Variants in DPP10 observed in about 807,000 individuals in gnomAD.
The protein encoded by DPP10 is inactive dipeptidyl peptidase 10.
Under a neutral mutation model 120.9 loss-of-function variants are expected in DPP10, and 33 were observed. The observed-to-expected ratio is 0.27, with a 90% confidence interval of 0.21 to 0.37. The LOEUF is 0.37. DPP10 is among the 10% of genes least tolerant of loss of function. DPP10 has a pLI of 1.00. For synonymous variants in DPP10, 337 were observed against 326.1 expected, an observed-to-expected ratio of 1.03 and a Z score of -0.36; for missense variants, 816 against 942.8, an observed-to-expected ratio of 0.87 and a Z score of 1.76.
Position 115,135,086 on chromosome 2 carries a change from A to T in DPP10, c.61-174153A>T, listed in dbSNP as rs116579714. 3.9e-3 allele frequency among the ~76,000 whole-genome samples: 596 copies of T among 152,136 alleles called. 4 individuals are homozygous for T. The highest frequency in any genetic ancestry group is 0.014 in the African/African-American group (566 of 41,530). The stretch of plus-strand genomic sequence containing the variant: ...GAAGAAGGCTTCCACCTATTAGCTC[A>T]AACAGTCAGGCAGGTACTAAACTGA... On this transcript the variant is annotated intron_variant, in intron 1 of 25. Coordinates refer to ENST00000410059, the MANE Select transcript of DPP10 (RefSeq NM_020868.6).
At chr2:114,633,672 G>T (rs1695111876) in intron 1 of DPP10, among the ~76,000 whole-genome samples, 1 of 151,472 alleles carries the variant, frequency 6.6e-6, no homozygotes, top group African/African-American at 2.4e-5. Flanking sequence ...AGAGTGCAAT[G>T]GTGGGACCTT....
In DPP10 at chr2:115,789,419, T is replaced by C. The variant is rs573688447; in HGVS notation, c.1532-1662T>C. Among the ~76,000 whole-genome samples, 3 of 152,270 alleles carry C rather than the reference T, an allele frequency of 2.0e-5. No homozygotes were observed. The East Asian group carries it at 5.8e-4, about 29-fold the overall frequency. ...ACTTGAAAATTTTGGCAAACAATAA[T>C]AATAATAAATTAATAGGAATACCTA... On this transcript the variant is annotated intron_variant, in intron 17 of 25. Transcript: ENST00000410059.
At chr2:115,334,348 G>A (rs1459716885) in intron 2 of DPP10, among the ~76,000 whole-genome samples, 2 of 150,362 alleles carry the variant, frequency 1.3e-5, no homozygotes, top group Non-Finnish European at 3.0e-5. Flanking sequence ...AAGAGCAAAG[G>A]TGATTCCCTG....
intron 3 of DPP10, among the ~76,000 whole-genome samples, chr2:115,437,429 C>T (rs926499765): frequency 2.6e-5 from 4 of 151,830 alleles, no homozygotes; most frequent in Non-Finnish European, 4.4e-5. Context: ...ACACAGATTC[C>T]GAAAAGGAGT....
At chr2:115,388,094 T>C (rs2067075788) in intron 3 of DPP10, among the ~76,000 whole-genome samples, 1 of 152,158 alleles carries the variant, frequency 6.6e-6, no homozygotes, top group East Asian at 1.9e-4. Context: ...AGCCAAATTA[T>C]AGGTCACATC....
At chr2:115,193,631 T>G (rs759941795) in intron 1 of DPP10, among the ~76,000 whole-genome samples, 2 of 152,208 alleles carry the variant, frequency 1.3e-5, no homozygotes, top group Non-Finnish European at 2.9e-5. Context: ...TTTTTCCAAA[T>G]GTATGGACCA....
At chr2:114,832,389 G>A (rs1687217674) in intron 1 of DPP10, among the ~76,000 whole-genome samples, 1 of 152,160 alleles carries the variant, frequency 6.6e-6, no homozygotes, top group Admixed American at 6.5e-5. Context: ...AAAAAAATTA[G>A]CCGGGCGTGT....
intron 3 of DPP10, among the ~76,000 whole-genome samples, chr2:115,350,918 T>C (rs972738313): frequency 6.6e-6 from 1 of 152,126 alleles, no homozygotes; most frequent in Non-Finnish European, 1.5e-5. Flanking sequence ...CTATATGGTG[T>C]TGCTGGAAAT....
At chr2:115,254,185 G>A (rs764691203) in intron 1 of DPP10, among the ~76,000 whole-genome samples, 10 of 152,142 alleles carry the variant, frequency 6.6e-5, no homozygotes, top group Admixed American at 1.3e-4. Flanking sequence ...GAATTGCTGG[G>A]GTGGCCTTGA....
chr2:115,834,808 C>T (rs952164014), intron 21 of DPP10, among the ~76,000 whole-genome samples: 5 of 152,086 alleles, frequency 3.3e-5, no homozygotes, highest in African/African-American at 9.7e-5. Flanking sequence ...AAAAACAAGC[C>T]GGGCGCGGTG....
chr2:115,387,784 A>G (rs2067049617), intron 3 of DPP10, among the ~76,000 whole-genome samples: 2 of 152,336 alleles, frequency 1.3e-5, no homozygotes, highest in African/African-American at 2.4e-5. Flanking sequence ...CAGTGGCTAA[A>G]GGTAAATATG....
chr2:115,733,321 C>G (rs1178090908), intron 8 of DPP10, among the ~76,000 whole-genome samples: 2 of 152,106 alleles, frequency 1.3e-5, no homozygotes, highest in Non-Finnish European at 2.9e-5. Context: ...TGAGCACTTG[C>G]TCAGTGTCAT....
rs75869364 is a variant in DPP10, at chr2:115,396,225, C to T, written c.271+52313C>T. On this transcript the variant is annotated intron_variant, in intron 3 of 25. Coordinates refer to ENST00000410059, the MANE Select transcript of DPP10 (RefSeq NM_020868.6). ...TAGGTGTCCTTATACCTCAGTGTTC[C>T]CCCTGTGCCTTTTCAAGAAGAGTAT... Among the ~76,000 whole-genome samples, 721 of 152,176 alleles carry T rather than the reference C, an allele frequency of 4.7e-3. 8 individuals carry two copies. The highest frequency in any genetic ancestry group is 0.016 in the African/African-American group (645 of 41,508).
At chr2:115,319,857 C>G (rs983216105) in intron 2 of DPP10, among the ~76,000 whole-genome samples, 1 of 152,144 alleles carries the variant, frequency 6.6e-6, no homozygotes, top group Non-Finnish European at 1.5e-5. Context: ...TGCATTCTCA[C>G]ATGGCAGAAG....
At chr2:115,712,543 A>AATATATATATATATAT (rs1553486145) in intron 7 of DPP10, among the ~76,000 whole-genome samples, 2 of 64,268 alleles carry the variant, frequency 3.1e-5, no homozygotes, top group Non-Finnish European at 5.8e-5. Flanking sequence ...TCCTGAATTA[A>AATATATATATATATAT]ATATATATAT....
At chr2:114,788,750 G>T (rs1254496528) in intron 1 of DPP10, among the ~76,000 whole-genome samples, 1 of 152,088 alleles carries the variant, frequency 6.6e-6, no homozygotes, top group Non-Finnish European at 1.5e-5. Flanking sequence ...CTTTTAGGTA[G>T]AGAAAAAAAG....
chr2:114,910,117 G>A (rs928425412), intron 1 of DPP10, among the ~76,000 whole-genome samples: 1 of 151,624 alleles, frequency 6.6e-6, no homozygotes, highest in African/African-American at 2.4e-5. Context: ...TAGGCTTTAG[G>A]CACTTAGGCC....
chr2:115,837,235 A>G (rs1359975952), intron 24 of DPP10, among the ~76,000 whole-genome samples: 1 of 152,222 alleles, frequency 6.6e-6, no homozygotes, highest in Non-Finnish European at 1.5e-5. Flanking sequence ...AACTTTAAAA[A>G]GGCACTTTCA....
intron 1 of DPP10, among the ~76,000 whole-genome samples, chr2:114,836,389 A>G (rs185816979): frequency 4.6e-5 from 7 of 152,212 alleles, no homozygotes; most frequent in African/African-American, 1.4e-4. Context: ...GAGAAATTTT[A>G]AAGCTGGGCT....
Sources: gnomAD v4.1 joint callset for allele counts (sites outside exome capture counted in the v4.1 genomes callset) on GRCh38, gnomAD v4.1.1 for gene constraint, MANE v1.5 for transcripts, NCBI Gene and HGNC (gene_info 2026-07-23, HGNC 2026-07-21) for gene names.